TNK2: variants seen among roughly 807,000 people sequenced by gnomAD.
The protein encoded by TNK2 is tyrosine kinase non receptor 2.
A neutral mutation model predicts 101.8 loss-of-function variants in TNK2; 83 were observed. The ratio of observed to expected loss-of-function variants is 0.82; its 90% CI spans 0.68 to 0.98. The LOEUF (loss-of-function observed/expected upper bound fraction) is 0.98, where lower values mean the gene tolerates loss of function less well. TNK2 is among the 50% of genes least tolerant of loss of function. The pLI is 0.00. For missense variants in TNK2, 1,665 were observed against 1,483.2 expected, an observed-to-expected ratio of 1.12 and a Z score of -2.01; for synonymous variants, 804 against 633.0, an observed-to-expected ratio of 1.27 and a Z score of -4.06.
chr3:195,887,792 CAT>C (rs994519106), intron 2 of TNK2, among the ~76,000 whole-genome samples: 9 of 143,586 alleles, frequency 6.3e-5, no homozygotes, highest in Middle Eastern at 3.7e-3. Flanking sequence ...CGTGTGTGTA[CAT>C]GTGTGTATGC....
In TNK2 at chr3:195,878,853, C is replaced by A. The variant is rs1252355675; in HGVS notation, c.1014+196G>T. ...TTTCCCTCCCCGTCTCTTTGCTGGG[C>A]TCTCCCTGAGGCCATACAGATACGG... On this transcript the variant is annotated intron_variant, in intron 7 of 15. Transcript: ENST00000672887. The surrounding 1 kb of genome is among the most constrained non-coding windows in gnomAD (Gnocchi z 4.7). Among the ~76,000 whole-genome samples, 1 of 152,196 alleles carries A rather than the reference C, an allele frequency of 6.6e-6. No homozygotes were observed. The highest frequency in any genetic ancestry group is 2.4e-5 in the African/African-American group (1 of 41,444).
intron 1 of TNK2, chr3:195,894,550 C>T (rs1255712416): frequency 6.6e-6 from 1 of 151,338 alleles, no homozygotes; most frequent in African/African-American, 2.5e-5. Flanking sequence ...CGCCACCGTG[C>T]CCAGCTATTT....
chr3:195,904,009 G>A (rs77690405), intron 1 of TNK2, among the ~76,000 whole-genome samples: 9,845 of 152,098 alleles, frequency 0.065, 448 homozygotes, highest in Non-Finnish European at 0.093. Flanking sequence ...CAGCATTACT[G>A]ACAACAGCCA....
chr3:195,877,739 G>T (rs1750219497), intron 9 of TNK2, among the ~76,000 whole-genome samples: 2 of 152,164 alleles, frequency 1.3e-5, no homozygotes, highest in Admixed American at 1.3e-4. Flanking sequence ...GGTATAGAGA[G>T]GGTCCTCCCA....
intron 10 of TNK2, 133 bp downstream of exon 10, chr3:195,872,143 G>A: frequency 3.9e-6 from 4 of 1,028,228 alleles, no homozygotes; most frequent in Non-Finnish European, 5.7e-6. Flanking sequence ...AGGGTGAGGA[G>A]GGGAGAGTGG....
rs1469088086 is a variant in TNK2 at position 195,867,513 on chromosome 3, G to A, written c.2785C>T (p.Gln929Ter). The A allele has an allele frequency of 3.2e-6, 5 of 1,557,682 alleles. No homozygotes were observed. The highest frequency in any genetic ancestry group is 4.3e-6 in the Non-Finnish European group (5 of 1,159,854). ...APTATVRPMPQAALDPKANFS... is the reference protein window; with the variant it reads ...APTATVRPMP Reference sequence around the variant, plus strand: ...TTGGCCTTGGGGTCCAAGGCAGCCTGGGGCATCGGCCGCACGGTGGCCGTG... The same window carrying A: ...TTGGCCTTGGGGTCCAAGGCAGCCTAGGGCATCGGCCGCACGGTGGCCGTG... Residue 929 changes from glutamine to a stop codon, truncating the protein, a stop_gained, in exon 13 of 16, where the codon CAG becomes TAG. Coordinates refer to ENST00000672887, the MANE Select transcript of TNK2 (RefSeq NM_001382273.1). LOFTEE classifies it high-confidence loss of function.
chr3:195,872,599 C>A lies in TNK2; in HGVS notation c.1257-129G>T, dbSNP rs1746212263. 24 of 973,960 alleles carry A rather than the reference C, an allele frequency of 2.5e-5. No individual in the cohort carries two copies. The South Asian group carries it at 3.9e-4, about 16-fold the overall frequency. 60.3% of individuals were successfully genotyped at this position (973,960 alleles called of 1,614,324 possible). A position where few individuals can be genotyped will look rare whatever the true frequency, so the allele number is the denominator to read the frequency against. On this transcript the variant is annotated intron_variant, in intron 9 of 15. Coordinates refer to ENST00000672887, the MANE Select transcript of TNK2 (RefSeq NM_001382273.1). Reference sequence around the variant, plus strand: ...TCAGGCCTCAGGACCAGGCTGTGTGCCACCGGCCCTCCTCCCCAACAGCCC... The same window carrying A: ...TCAGGCCTCAGGACCAGGCTGTGTGACACCGGCCCTCCTCCCCAACAGCCC...
intron 9 of TNK2, among the ~76,000 whole-genome samples, chr3:195,877,035 C>T (rs540093006): frequency 3.3e-5 from 5 of 152,160 alleles, no homozygotes; most frequent in Non-Finnish European, 7.4e-5. Flanking sequence ...TGAGGCTGGA[C>T]TTCGGGCTGG....
chr3:195,899,517 A>G (rs2149840136), intron 1 of TNK2, among the ~76,000 whole-genome samples: 1 of 152,218 alleles, frequency 6.6e-6, no homozygotes, highest in South Asian at 2.1e-4. Flanking sequence ...AGTAGAGTTG[A>G]GACGGGGTTT....
At chr3:195,895,673 C>A in intron 1 of TNK2, 2 of 1,125,018 alleles carry the variant, frequency 1.8e-6, no homozygotes, top group South Asian at 3.1e-5. Flanking sequence ...CTCCACTCAG[C>A]CCTCAGCCCG....
chr3:195,895,525 C>T, intron 1 of TNK2: 2 of 1,351,204 alleles, frequency 1.5e-6, no homozygotes, highest in South Asian at 1.8e-5. Context: ...GCGGCCATTC[C>T]CTCCTGCAGC....
chr3:195,887,608 T>TAAGTCAGTGTC (rs1756292177), intron 2 of TNK2, among the ~76,000 whole-genome samples: 1 of 152,234 alleles, frequency 6.6e-6, no homozygotes, highest in African/African-American at 2.4e-5. Flanking sequence ...CTATTTTAAC[T>TAAGTCAGTGTC]TGAAAGCCCT....
At chr3:195,901,598 T>A (rs1314132350) in intron 1 of TNK2, among the ~76,000 whole-genome samples, 1 of 152,132 alleles carries the variant, frequency 6.6e-6, no homozygotes, top group Admixed American at 6.5e-5. Context: ...GCACCCCACA[T>A]GCCCACCCGA....
At position 195,887,095 on chromosome 3, in the gene TNK2, G is replaced by A. The variant is rs374959003; in HGVS notation, c.164-48C>T. ...CGTGCTGTGAAGGCCGCCGTAGCCCGAGAGAGGCTGCTGCCTGTGGTCCCC... is the reference window on the plus strand; with the variant it reads ...CGTGCTGTGAAGGCCGCCGTAGCCCAAGAGAGGCTGCTGCCTGTGGTCCCC... On this transcript the variant is annotated intron_variant, in intron 2 of 15. Transcript: ENST00000672887. 3.3e-5 allele frequency: 53 copies of A among 1,595,098 alleles called. No individual in the cohort carries two copies. In the African/African-American group the frequency reaches 4.7e-4, roughly 14 times the overall value.
Position 195,878,589 on chromosome 3 carries a change from G to A in TNK2, c.1018C>T (p.Leu340=). 1 of 1,612,356 alleles carries A rather than the reference G, an allele frequency of 6.2e-7. No individual in the cohort carries two copies. The highest frequency in any genetic ancestry group is 8.5e-7 in the Non-Finnish European group (1 of 1,179,558). Residue 340 remains leucine, a synonymous_variant, in exon 8 of 16, where the codon CTG becomes TTG. Transcript: ENST00000672887. The surrounding 1 kb of genome is among the most constrained non-coding windows in gnomAD (Gnocchi z 4.7). ...TCCCCCTCCTTGTCGATCTTATGCA[G>A]GATCTGAAGGTGAGGAGGTGCAGAG... is the stretch of plus-strand genomic sequence containing the variant. ...PWIGLNGSQI[L]HKIDKEGERL...
In TNK2 at chr3:195,883,323, G is replaced by T. The variant is rs547949359; in HGVS notation, c.457-14C>A. On this transcript the variant is annotated splice_polypyrimidine_tract_variant and intron_variant, in intron 4 of 15. Transcript: ENST00000672887. ...AGCCACACTCACCTGCCCAGAGCGG[G>T]ATTTGCAAGGACTCAGGACTTGCCA... The T allele has an allele frequency of 3.5e-5, 57 of 1,612,124 alleles. No homozygotes were observed. Among genetic ancestry groups the T allele is most frequent in the Non-Finnish European group, 4.7e-5 (55 of 1,179,954 alleles).
chr3:195,870,565 G>A (rs563953583), intron 10 of TNK2, among the ~76,000 whole-genome samples: 10 of 152,332 alleles, frequency 6.6e-5, no homozygotes, highest in African/African-American at 1.7e-4. Context: ...GCCTAAGAAC[G>A]GGGCATCCCA....
At position 195,867,787 on chromosome 3, in the gene TNK2, G is replaced by T. The variant is rs781700688; in HGVS notation, c.2511C>A (p.Ala837=). ...GGGGGGTGGCGTACTTGGGGTCTGAGGCAAAGCTCTGGGTGGTGGGCATGG... is the reference window on the plus strand; with the variant it reads ...GGGGGGTGGCGTACTTGGGGTCTGATGCAAAGCTCTGGGTGGTGGGCATGG... ...GKTMPTTQSF[A]SDPKYATPQV... is the part of the protein sequence containing the mutation. Residue 837 remains alanine, a synonymous_variant, in exon 13 of 16, where the codon GCC becomes GCA. Coordinates refer to ENST00000672887, the MANE Select transcript of TNK2 (RefSeq NM_001382273.1). 3 of 1,576,802 alleles carry T rather than the reference G, an allele frequency of 1.9e-6. No homozygotes were observed. The African/African-American group carries it at 4.1e-5, about 22-fold the overall frequency.
chr3:195,906,314 G>A (rs182400288), intron 1 of TNK2, among the ~76,000 whole-genome samples: 125 of 152,226 alleles, frequency 8.2e-4, no homozygotes, highest in Non-Finnish European at 1.0e-3. Flanking sequence ...AGCCATTCCG[G>A]TCCTAGGGAT....
Sources: gnomAD v4.1 joint callset for allele counts (sites outside exome capture counted in the v4.1 genomes callset) on GRCh38, gnomAD v4.1.1 for gene constraint, Gnocchi (gnomAD v3.1) non-coding constraint, MANE v1.5 for transcripts, NCBI Gene and HGNC (gene_info 2026-07-23, HGNC 2026-07-21) for gene names.